Variants in TSG101 observed in about 807,000 individuals in gnomAD.
TSG101 encodes the protein tumor susceptibility 101.
A neutral mutation model predicts 48.5 loss-of-function variants in TSG101; 19 were observed. The observed-to-expected ratio is 0.39, with a 90% CI of 0.27 to 0.58. TSG101 has a LOEUF of 0.58. Ranked by LOEUF, TSG101 falls within the 20% of genes least tolerant of loss-of-function variation. The probability of loss-of-function intolerance (pLI) is 0.55; values close to 1 mark genes in which losing one functional copy is unlikely to be tolerated. For synonymous variants in TSG101, 174 were observed against 169.4 expected (o/e 1.03, Z -0.21); for missense variants, 365 against 484.4 (o/e 0.75, Z 2.31).
chr11:18,505,251 T>C (rs988640952), intron 6 of TSG101, among the ~76,000 whole-genome samples: 5 of 149,882 alleles, frequency 3.3e-5, no homozygotes, highest in African/African-American at 1.2e-4. Context: ...GGCATCAGTA[T>C]ATGCCAATCT....
intron 1 of TSG101, among the ~76,000 whole-genome samples, chr11:18,520,242 G>A (rs1850247086): frequency 6.6e-6 from 1 of 151,898 alleles, no homozygotes; most frequent in Admixed American, 6.6e-5. Context: ...ATTTATTTTG[G>A]AGACAGGGTC....
At chr11:18,506,187 C>T (rs539963480) in intron 6 of TSG101, among the ~76,000 whole-genome samples, 1 of 152,040 alleles carries the variant, frequency 6.6e-6, no homozygotes, top group South Asian at 2.1e-4. Flanking sequence ...TTTCAATCTA[C>T]AGAAAAGCAG....
At chr11:18,507,588 G>T (rs1046385362) in intron 5 of TSG101, 1 of 152,144 alleles carries the variant, frequency 6.6e-6, no homozygotes, top group African/African-American at 2.4e-5. Flanking sequence ...AAGATCAGTG[G>T]TGCCAAGAGG....
At chr11:18,509,520 G>A in intron 5 of TSG101, 22 bp downstream of exon 5, 1 of 1,605,614 alleles carries the variant, frequency 6.2e-7, no homozygotes, top group South Asian at 1.1e-5. Flanking sequence ...GAGTTTTAAA[G>A]TAAAATCTCA....
chr11:18,482,735 G>T (rs1347826359), intron 8 of TSG101, among the ~76,000 whole-genome samples: 1 of 152,184 alleles, frequency 6.6e-6, no homozygotes, highest in Non-Finnish European at 1.5e-5. Flanking sequence ...CTGGATTATT[G>T]AGAAAGTTCC....
chr11:18,498,559 T>C (rs1170077502), intron 7 of TSG101, among the ~76,000 whole-genome samples: 1 of 152,044 alleles, frequency 6.6e-6, no homozygotes, highest in Non-Finnish European at 1.5e-5. Flanking sequence ...ACAATGGAGA[T>C]GGGGCAGGTG....
intron 7 of TSG101, among the ~76,000 whole-genome samples, chr11:18,501,685 C>G (rs952584260): frequency 6.6e-6 from 1 of 152,220 alleles, no homozygotes; most frequent in South Asian, 2.1e-4. Flanking sequence ...TGCACTGAAT[C>G]TACAGACTGC....
chr11:18,504,056 C>G (rs1161538475), intron 6 of TSG101, among the ~76,000 whole-genome samples: 1 of 151,936 alleles, frequency 6.6e-6, no homozygotes, highest in East Asian at 1.9e-4. Context: ...GAAAAATTAG[C>G]TAGGTGTAGG....
chr11:18,514,289 C>T (rs915492812), intron 4 of TSG101, among the ~76,000 whole-genome samples: 1 of 152,182 alleles, frequency 6.6e-6, no homozygotes, highest in African/African-American at 2.4e-5. Context: ...TAATCTGTCA[C>T]AGTTACACTA....
At chr11:18,506,993 T>C in intron 5 of TSG101, 70 bp from the exon 6 acceptor site, 1 of 1,282,422 alleles carries the variant, frequency 7.8e-7, no homozygotes. Context: ...CTGAATAAGA[T>C]ATACATCACA....
At chr11:18,499,230 GATAT>G (rs1849833931) in intron 7 of TSG101, among the ~76,000 whole-genome samples, 1 of 129,676 alleles carries the variant, frequency 7.7e-6, no homozygotes, top group South Asian at 2.3e-4. Context: ...ATTTATATAT[GATAT>G]ATAATTATAT....
intron 7 of TSG101, among the ~76,000 whole-genome samples, chr11:18,499,408 T>TTTTCTTTA (rs1849852427): frequency 6.2e-5 from 1 of 16,240 alleles, no homozygotes; most frequent in Admixed American, 9.1e-4. Flanking sequence ...ATATATTTTT[T>TTTTCTTTA]TTTTTTTTTT....
intron 1 of TSG101, among the ~76,000 whole-genome samples, chr11:18,521,033 A>G (rs201013126): frequency 1.5e-4 from 20 of 135,008 alleles, no homozygotes; most frequent in South Asian, 4.5e-4. Context: ...TCCGTCTTGG[A>G]AAAAAAAAAA....
intron 7 of TSG101, among the ~76,000 whole-genome samples, chr11:18,496,627 C>G (rs984617299): frequency 1.3e-5 from 2 of 151,980 alleles, no homozygotes; most frequent in African/African-American, 4.8e-5. Flanking sequence ...AGTTCAAGGC[C>G]AGCCTGGGCA....
At chr11:18,510,043 G>A (rs1199051896) in intron 4 of TSG101, among the ~76,000 whole-genome samples, 1 of 152,072 alleles carries the variant, frequency 6.6e-6, no homozygotes, top group African/African-American at 2.4e-5. Context: ...ATTATTAAAG[G>A]CCATTAAAAG....
intron 8 of TSG101, 57 bp from the exon 9 acceptor site, chr11:18,481,926 C>T: frequency 6.3e-7 from 1 of 1,580,540 alleles, no homozygotes; most frequent in South Asian, 1.2e-5. Flanking sequence ...ACTTGTCAGA[C>T]ACCTACAACA....
chr11:18,505,429 T>C (rs1010074734), intron 6 of TSG101, among the ~76,000 whole-genome samples: 1 of 151,264 alleles, frequency 6.6e-6, no homozygotes, highest in Non-Finnish European at 1.5e-5. Context: ...CTAATTTTAA[T>C]TTTTTTTGTA....
intron 4 of TSG101, among the ~76,000 whole-genome samples, chr11:18,512,507 G>A (rs1230560577): frequency 6.6e-6 from 1 of 152,148 alleles, no homozygotes; most frequent in Non-Finnish European, 1.5e-5. Context: ...TTACCTGTGT[G>A]TTTGTGGGGG....
chr11:18,515,230 G>T (rs1419447416), intron 3 of TSG101, among the ~76,000 whole-genome samples: 2 of 152,170 alleles, frequency 1.3e-5, no homozygotes, highest in Non-Finnish European at 2.9e-5. Context: ...ACAGAATAGT[G>T]TAAATATCTA....
Sources: allele counts gnomAD v4.1 joint callset (sites outside exome capture counted in the v4.1 genomes callset), GRCh38; gene constraint gnomAD v4.1.1; transcripts MANE v1.5; gene names NCBI Gene and HGNC (gene_info 2026-07-23, HGNC 2026-07-21).